The following RNF32 variants were observed in gnomAD, a reference collection of about 807,000 sequenced individuals.
RNF32 encodes the protein ring finger protein 32.
RNF32 carries 36 observed loss-of-function variants against 41.0 expected under a neutral mutation model. The ratio of observed to expected loss-of-function variants is 0.88; its 90% confidence interval spans 0.67 to 1.16. The LOEUF (loss-of-function observed/expected upper bound fraction) is 1.16, where lower values mean the gene tolerates loss of function less well. Ranked by LOEUF, RNF32 falls within the 50% of genes most tolerant of loss-of-function variation. RNF32 has a pLI of 0.00. For missense variants in RNF32, 413 were observed against 436.7 expected, an observed-to-expected ratio of 0.95 and a Z score of 0.48; for synonymous variants, 154 against 160.9, an observed-to-expected ratio of 0.96 and a Z score of 0.32.
At chr7:156,662,011 T>C (rs112802384) in intron 7 of RNF32, among the ~76,000 whole-genome samples, 47 of 152,340 alleles carry the variant, frequency 3.1e-4, no homozygotes, top group African/African-American at 1.0e-3. Context: ...CATGTAACTC[T>C]TGCTCACTTA....
intron 4 of RNF32, 178 bp from the exon 5 acceptor site, chr7:156,657,363 A>G: frequency 3.3e-6 from 2 of 597,934 alleles, no homozygotes; most frequent in Non-Finnish European, 6.0e-6. Flanking sequence ...TTTGTTATTT[A>G]GAGTATATAC....
intron 3 of RNF32, among the ~76,000 whole-genome samples, chr7:156,645,542 A>T (rs1797871917): frequency 6.6e-6 from 1 of 152,236 alleles, no homozygotes; most frequent in South Asian, 2.1e-4. Context: ...GACCCAGGGG[A>T]CATAGCTGCA....
At chr7:156,643,659 C>A (rs925051375) in intron 1 of RNF32, 142 bp from the exon 2 acceptor site, 3 of 576,514 alleles carry the variant, frequency 5.2e-6, no homozygotes, top group Non-Finnish European at 9.2e-6. Context: ...CCTCCAGAAC[C>A]AGAATGTGTA....
upstream of RNF32, chr7:156,640,647 G>C (rs1174500252): frequency 1.6e-5 from 6 of 375,116 alleles, no homozygotes; most frequent in Non-Finnish European, 2.6e-5. Context: ...GGCGGGGCTG[G>C]CGAGCATGCG....
chr7:156,644,849 C>T (rs1024711156), intron 3 of RNF32, 92 bp downstream of exon 3: 82 of 1,329,870 alleles, frequency 6.2e-5, no homozygotes, highest in Middle Eastern at 3.9e-4. Flanking sequence ...ACAGAAATAA[C>T]TTATTTATAA....
chr7:156,666,667 C>T (rs903764532), intron 7 of RNF32, among the ~76,000 whole-genome samples: 2 of 152,166 alleles, frequency 1.3e-5, no homozygotes, highest in Non-Finnish European at 2.9e-5. Flanking sequence ...TCCTCGAACA[C>T]TTATTCATTC....
upstream of RNF32, chr7:156,640,205 C>CG (rs765588564): frequency 4.0e-5 from 18 of 453,422 alleles, 1 homozygote; most frequent in South Asian, 2.6e-4. Context: ...CTGAGCGGCG[C>CG]GGGGGGATCG....
chr7:156,661,289 G>A (rs1800626175), intron 7 of RNF32, among the ~76,000 whole-genome samples: 1 of 151,806 alleles, frequency 6.6e-6, no homozygotes, highest in Non-Finnish European at 1.5e-5. Context: ...CCTTGGCCAA[G>A]AGGGGGTTCG....
At chr7:156,654,502 T>C in intron 3 of RNF32, 74 bp from the exon 4 acceptor site, 1 of 1,278,702 alleles carries the variant, frequency 7.8e-7, no homozygotes, top group South Asian at 1.5e-5. Context: ...TTGCAAATGG[T>C]GTCATTAAAG....
rs999325701 is a variant in RNF32, at chr7:156,654,706, G to C, written c.405G>C (p.Glu135Asp). 5.0e-6 allele frequency: 8 copies of C among 1,614,062 alleles called. No homozygotes were observed. Among genetic ancestry groups the C allele is most frequent in the Non-Finnish European group, 6.8e-6 (8 of 1,179,900 alleles). The stretch of plus-strand genomic sequence containing the variant: ...GCCCCATCTGTAAAGAAGAATTCGA[G>C]CTTCGTCCTCAGGTGTTTAGCATAC... ...QPCPICKEEFELRPQVLLSCS... is the reference protein window; with the variant it reads ...QPCPICKEEFDLRPQVLLSCS... The change falls in exon 4 of 9, where the codon GAG becomes GAC. Residue 135 changes from glutamate (E) to aspartate (D), a missense_variant. Glu to Asp is a conservative substitution (Grantham distance 45). Coordinates refer to ENST00000317955, the MANE Select transcript of RNF32 (RefSeq NM_030936.4).
At chr7:156,655,574 C>T (rs1013912979) in intron 4 of RNF32, among the ~76,000 whole-genome samples, 8 of 152,196 alleles carry the variant, frequency 5.3e-5, no homozygotes, top group Admixed American at 4.6e-4. Flanking sequence ...ACAATCTGGG[C>T]AAATGAACTC....
chr7:156,655,664 C>A (rs1033153368), intron 4 of RNF32, among the ~76,000 whole-genome samples: 2 of 152,208 alleles, frequency 1.3e-5, no homozygotes, highest in African/African-American at 4.8e-5. Context: ...AATTTGAATT[C>A]ATAAGTTACT....
intron 5 of RNF32, 29 bp from the exon 6 acceptor site, chr7:156,658,099 A>G: frequency 6.2e-7 from 1 of 1,604,224 alleles, no homozygotes; most frequent in Non-Finnish European, 8.5e-7. Context: ...AATTACTTGT[A>G]AAATTTTAAG....
intron 3 of RNF32, 99 bp downstream of exon 3, chr7:156,644,856 A>G (rs1472616167): frequency 4.0e-6 from 5 of 1,254,978 alleles, no homozygotes; most frequent in East Asian, 2.5e-5. Flanking sequence ...TAACTTATTT[A>G]TAATTATACA....
chr7:156,661,475 A>G (rs1033227763), intron 7 of RNF32, among the ~76,000 whole-genome samples: 2 of 152,118 alleles, frequency 1.3e-5, no homozygotes, highest in African/African-American at 4.8e-5. Flanking sequence ...ACCCGCCATC[A>G]TGCCCAGCTA....
At chr7:156,646,611 T>TC in intron 3 of RNF32, 4 of 750,128 alleles carry the variant, frequency 5.3e-6, no homozygotes, top group Non-Finnish European at 7.7e-6. Flanking sequence ...ATCAAGTATG[T>TC]CCCTGATAGG....
chr7:156,676,166 T>C, intron 8 of RNF32: 1 of 1,158,670 alleles, frequency 8.6e-7, no homozygotes, highest in South Asian at 1.7e-5. Context: ...ATTCTGGAAG[T>C]TCCTGTTGGA....
chr7:156,651,412 C>T (rs1563073954), intron 3 of RNF32, among the ~76,000 whole-genome samples: 1 of 151,980 alleles, frequency 6.6e-6, no homozygotes, highest in Non-Finnish European at 1.5e-5. Flanking sequence ...CGGGGTTTCA[C>T]CATGTTGGCC....
At chr7:156,671,760 C>G in intron 7 of RNF32, among the ~76,000 whole-genome samples, 1 of 152,184 alleles carries the variant, frequency 6.6e-6, no homozygotes, top group South Asian at 2.1e-4. Context: ...ATGTCACCAT[C>G]TTTATGTCCA....
Sources: gnomAD v4.1 joint callset for allele counts (sites outside exome capture counted in the v4.1 genomes callset) on GRCh38, gnomAD v4.1.1 for gene constraint, MANE v1.5 for transcripts, NCBI Gene and HGNC (gene_info 2026-07-23, HGNC 2026-07-21) for gene names.